SLC16A12: variants seen among roughly 807,000 people sequenced by gnomAD.
SLC16A12 encodes monocarboxylate transporter 12.
SLC16A12 carries 17 observed loss-of-function variants against 42.4 expected under a neutral mutation model. The observed-to-expected ratio is 0.40, with a 90% CI of 0.27 to 0.60. SLC16A12 has a LOEUF of 0.60. SLC16A12 is among the 20% of genes least tolerant of loss of function. The pLI is 0.42. For synonymous variants in SLC16A12, 224 were observed against 229.4 expected (o/e 0.98, Z 0.21); for missense variants, 544 against 623.0 (o/e 0.87, Z 1.35).
chr10:89,525,508 G>A (rs575056773), intron 2 of SLC16A12, among the ~76,000 whole-genome samples: 9 of 152,218 alleles, frequency 5.9e-5, no homozygotes, highest in African/African-American at 2.2e-4. Flanking sequence ...AGAAAGGAAG[G>A]AAAAAATGTA....
intron 3 of SLC16A12, among the ~76,000 whole-genome samples, chr10:89,456,727 G>A (rs1346857191): frequency 2.0e-5 from 3 of 151,970 alleles, no homozygotes; most frequent in African/African-American, 7.3e-5. Context: ...ACAGGCCCCA[G>A]TGTGTGTTGC....
intron 2 of SLC16A12, among the ~76,000 whole-genome samples, chr10:89,491,056 C>G (rs2133806406): frequency 6.6e-6 from 1 of 152,278 alleles, no homozygotes; most frequent in South Asian, 2.1e-4. Context: ...TTTAGGCAGC[C>G]AAATACATAT....
chr10:89,493,912 C>T (rs765103985), intron 2 of SLC16A12, among the ~76,000 whole-genome samples: 2 of 152,024 alleles, frequency 1.3e-5, no homozygotes, highest in Non-Finnish European at 2.9e-5. Context: ...AAAAAAAAAT[C>T]GATCATCAGT....
intron 2 of SLC16A12, among the ~76,000 whole-genome samples, chr10:89,466,399 C>T (rs1002478087): frequency 1.3e-5 from 2 of 152,176 alleles, no homozygotes; most frequent in African/African-American, 4.8e-5. Flanking sequence ...GGGACAGGCA[C>T]AGTTCATGAA....
chr10:89,466,243 A>ATCTTTTATTTTTCATTTGTT (rs1842396498), intron 2 of SLC16A12, among the ~76,000 whole-genome samples: 1 of 152,236 alleles, frequency 6.6e-6, no homozygotes, highest in Non-Finnish European at 1.5e-5. Flanking sequence ...CATGTGATTT[A>ATCTTTTATTTTTCATTTGTT]ACCTCTTTTC....
At chr10:89,447,107 A>G (rs1005755831) in intron 3 of SLC16A12, among the ~76,000 whole-genome samples, 3 of 152,208 alleles carry the variant, frequency 2.0e-5, no homozygotes, top group African/African-American at 7.2e-5. Flanking sequence ...AAATTCATAA[A>G]GCAAGGACTT....
intron 6 of SLC16A12, among the ~76,000 whole-genome samples, 185 bp from the exon 7 acceptor site, chr10:89,436,504 C>G (rs967482664): frequency 1.3e-5 from 2 of 152,116 alleles, no homozygotes; most frequent in Non-Finnish European, 2.9e-5. Context: ...CTCCAGGAAG[C>G]ATGGTGTGGT....
intron 2 of SLC16A12, among the ~76,000 whole-genome samples, chr10:89,517,799 A>G (rs564867259): frequency 3.3e-4 from 51 of 152,300 alleles, no homozygotes; most frequent in Non-Finnish European, 5.7e-4. Flanking sequence ...CAATCCTTCA[A>G]GAAAATGATT....
chr10:89,449,712 A>T (rs574085343), intron 3 of SLC16A12, among the ~76,000 whole-genome samples: 1,603 of 152,262 alleles, frequency 0.011, 30 homozygotes, highest in African/African-American at 0.037. Flanking sequence ...GGACTTCATG[A>T]CTAAAACACC....
Position 89,462,516 on chromosome 10 carries a change from T to G in SLC16A12, c.63A>C (p.Gln21His), listed in dbSNP as rs755814861. The G allele has an allele frequency of 6.2e-7, 1 of 1,613,756 alleles. No individual in the cohort carries two copies. Among genetic ancestry groups the G allele is most frequent in the Admixed American group, 1.7e-5 (1 of 59,986 alleles). ...TTTTTCTTTTTTCTTCTTTTCCAGG[T>G]TGCTCCAACAGCCAAGTTATGATCT... ...SSKIITWLLE[Q>H]PGKEEKRKTM... Residue 21 changes from glutamine (Q) to histidine (H), a missense_variant, in exon 3 of 8, where the codon CAA becomes CAC. Gln to His is a conservative substitution (Grantham distance 24). Transcript: ENST00000371790.
intron 2 of SLC16A12, among the ~76,000 whole-genome samples, chr10:89,516,843 C>T (rs1260168045): frequency 1.3e-5 from 2 of 152,164 alleles, no homozygotes; most frequent in Admixed American, 6.5e-5. Context: ...CCACTAAATC[C>T]ATAGTAAGCA....
Position 89,436,040 on chromosome 10 carries a change from G to A in SLC16A12, c.1288+20C>T. ...ATGCCAAAGAGAAAAGGTGGTTGGGGTTTCTCTCTGGAAACTTACCTGCGA... is the reference window on the plus strand; with the variant it reads ...ATGCCAAAGAGAAAAGGTGGTTGGGATTTCTCTCTGGAAACTTACCTGCGA... On this transcript the variant is annotated intron_variant, in intron 7 of 7. Transcript: ENST00000371790. 1 of 1,613,416 alleles carries A rather than the reference G, an allele frequency of 6.2e-7. No individual in the cohort carries two copies. Among genetic ancestry groups the A allele is most frequent in the Non-Finnish European group, 8.5e-7 (1 of 1,179,754 alleles).
intron 7 of SLC16A12, 119 bp from the exon 8 acceptor site, chr10:89,433,445 T>C (rs1008088953): frequency 8.3e-6 from 9 of 1,081,334 alleles, no homozygotes; most frequent in African/African-American, 3.2e-5. Context: ...AATTGTAACT[T>C]TGAAACAAAA....
At chr10:89,550,345 C>T (rs1034853871) in intron 2 of SLC16A12, among the ~76,000 whole-genome samples, 3 of 152,062 alleles carry the variant, frequency 2.0e-5, no homozygotes, top group Non-Finnish European at 4.4e-5. Context: ...ATGGTGAAAC[C>T]CCGTCTCTAC....
At position 89,433,150 on chromosome 10, in the gene SLC16A12, A is replaced by G. The variant is rs1398506023; in HGVS notation, c.1465T>C (p.Ser489Pro). 6.2e-7 allele frequency: 1 copy of G among 1,614,136 alleles called. No individual in the cohort carries two copies. The highest frequency in any genetic ancestry group is 8.5e-7 in the Non-Finnish European group (1 of 1,180,026). ...DPKLQLWTNG[S>P]VAYSVARELD... ...TCTCTTGCCACAGAATAAGCCACTG[A>G]TCCATTGGTCCATAGCTGCAGCTTA... The change falls in exon 8 of 8, where the codon TCA becomes CCA. Residue 489 changes from serine (S) to proline (P), a missense_variant. Transcript: ENST00000371790.
chr10:89,555,760 G>A (rs1355183577), intron 2 of SLC16A12: 1 of 149,348 alleles, frequency 6.7e-6, no homozygotes, highest in Admixed American at 6.7e-5. Flanking sequence ...GACTGAGCCT[G>A]CTTTCCTAAG....
At chr10:89,545,390 G>A (rs2133887012) in intron 2 of SLC16A12, among the ~76,000 whole-genome samples, 1 of 152,272 alleles carries the variant, frequency 6.6e-6, no homozygotes, top group African/African-American at 2.4e-5. Flanking sequence ...CAAAATCAGT[G>A]TGCAAAAATC....
intron 3 of SLC16A12, among the ~76,000 whole-genome samples, chr10:89,459,870 G>A (rs1429382983): frequency 6.6e-6 from 1 of 152,200 alleles, no homozygotes; most frequent in Non-Finnish European, 1.5e-5. Flanking sequence ...GAACCCGGGA[G>A]GCGGAGGTTG....
chr10:89,478,550 G>A (rs1241283116), intron 2 of SLC16A12, among the ~76,000 whole-genome samples: 2 of 152,194 alleles, frequency 1.3e-5, no homozygotes, highest in Non-Finnish European at 2.9e-5. Flanking sequence ...TCAAGTTGCT[G>A]ATGTTTACCA....
Sources: allele counts gnomAD v4.1 joint callset (sites outside exome capture counted in the v4.1 genomes callset), GRCh38; gene constraint gnomAD v4.1.1; transcripts MANE v1.5; gene names NCBI Gene and HGNC (gene_info 2026-07-23, HGNC 2026-07-21).